The following FGF14 variants were observed in gnomAD, a reference collection of about 807,000 sequenced individuals.
FGF14 encodes fibroblast growth factor 14, also known as fibroblast growth factor homologous factor 4.
A neutral mutation model predicts 25.5 loss-of-function variants in FGF14; 5 were observed. That is an observed-to-expected ratio of 0.20 (90% CI 0.10 to 0.41). FGF14 has a LOEUF of 0.41. FGF14 is among the 10% of genes least tolerant of loss of function. The pLI is 1.00. For missense variants in FGF14, 222 were observed against 320.1 expected (o/e 0.69, Z 2.34); for synonymous variants, 138 against 118.3 (o/e 1.17, Z -1.08).
chr13:102,020,484 G>C (rs2040580325), intron 1 of FGF14, among the ~76,000 whole-genome samples: 1 of 152,022 alleles, frequency 6.6e-6, no homozygotes, highest in Non-Finnish European at 1.5e-5. Flanking sequence ...GGAGGCAGAA[G>C]TTTCAGTGAG....
intron 3 of FGF14, among the ~76,000 whole-genome samples, chr13:101,856,370 T>C (rs1054972674): frequency 8.6e-5 from 13 of 151,920 alleles, no homozygotes; most frequent in African/African-American, 2.7e-4. Flanking sequence ...GGTAGAGTTA[T>C]TCGACTGGCA....
At chr13:101,955,983 TTTTCA>T (rs1241545356) in intron 1 of FGF14, among the ~76,000 whole-genome samples, 40 of 152,338 alleles carry the variant, frequency 2.6e-4, no homozygotes, top group African/African-American at 9.1e-4. Flanking sequence ...TCACTTTCAC[TTTTCA>T]TTTAAGTATT....
chr13:101,794,902 T>A (rs1362974738), intron 3 of FGF14, among the ~76,000 whole-genome samples: 12 of 152,114 alleles, frequency 7.9e-5, no homozygotes, highest in Admixed American at 7.2e-4. Flanking sequence ...TATGAAAAAA[T>A]TATTGAAAAA....
At chr13:101,870,128 T>C (rs2044970904) in intron 2 of FGF14, among the ~76,000 whole-genome samples, 1 of 152,136 alleles carries the variant, frequency 6.6e-6, no homozygotes, top group South Asian at 2.1e-4. Context: ...GCTATAGGAT[T>C]TTAGGGGATT....
intron 1 of FGF14, among the ~76,000 whole-genome samples, chr13:102,241,185 T>A (rs561927825): frequency 3.3e-5 from 5 of 152,250 alleles, no homozygotes; most frequent in African/African-American, 7.2e-5. Context: ...AGGGGCACTC[T>A]TGTAGATTCT....
At chr13:102,014,413 C>A (rs1166273881) in intron 1 of FGF14, among the ~76,000 whole-genome samples, 1 of 151,854 alleles carries the variant, frequency 6.6e-6, no homozygotes, top group East Asian at 1.9e-4. Context: ...TAATAGTGCA[C>A]GGAAAAAGCT....
intron 3 of FGF14, among the ~76,000 whole-genome samples, chr13:101,799,665 G>T (rs529009406): frequency 1.3e-5 from 2 of 152,168 alleles, no homozygotes; most frequent in Non-Finnish European, 2.9e-5. Context: ...ATTGAAGATC[G>T]TTGATTCTGC....
intron 1 of FGF14, among the ~76,000 whole-genome samples, chr13:102,156,174 C>T (rs1234776547): frequency 2.6e-5 from 4 of 152,132 alleles, no homozygotes; most frequent in African/African-American, 7.2e-5. Context: ...CCAGCATCAT[C>T]CTGATACCAA....
intron 1 of FGF14, 35 bp downstream of exon 1, chr13:101,916,416 ACC>A (rs781031514): frequency 3.0e-4 from 479 of 1,610,794 alleles, no homozygotes; most frequent in Non-Finnish European, 3.8e-4. Context: ...GGAGGGGGCG[ACC>A]CGGGGCGCAT....
At chr13:101,789,089 G>A (rs1174297445) in intron 3 of FGF14, among the ~76,000 whole-genome samples, 1 of 151,498 alleles carries the variant, frequency 6.6e-6, no homozygotes, top group Non-Finnish European at 1.5e-5. Context: ...ATTAGCCAGG[G>A]TGACTCACAG....
At chr13:102,284,839 A>G (rs2054015353) in intron 1 of FGF14, among the ~76,000 whole-genome samples, 1 of 152,058 alleles carries the variant, frequency 6.6e-6, no homozygotes, top group Non-Finnish European at 1.5e-5. Flanking sequence ...TAATATAATC[A>G]TTGGTTCTTA....
chr13:101,868,590 G>A (rs1487704247), intron 3 of FGF14, 135 bp downstream of exon 3: 1 of 725,438 alleles, frequency 1.4e-6, no homozygotes, highest in Admixed American at 1.9e-5. Context: ...CAGCTTCTAA[G>A]CATTCTCGCA....
intron 1 of FGF14, among the ~76,000 whole-genome samples, chr13:102,363,751 T>G (rs2139053596): frequency 6.6e-6 from 1 of 152,372 alleles, no homozygotes; most frequent in East Asian, 1.9e-4. Context: ...ATTTGTCCTG[T>G]TGCCACTCTG....
intron 1 of FGF14, among the ~76,000 whole-genome samples, chr13:102,155,569 T>C (rs1242937270): frequency 2.0e-5 from 3 of 152,032 alleles, no homozygotes; most frequent in Non-Finnish European, 2.9e-5. Flanking sequence ...AGGAAAGATC[T>C]AAAATTGACA....
chr13:102,044,346 G>A (rs1365513737), intron 1 of FGF14, among the ~76,000 whole-genome samples: 2 of 149,760 alleles, frequency 1.3e-5, no homozygotes, highest in Non-Finnish European at 2.9e-5. Flanking sequence ...AACTGCAAAA[G>A]ATGATTGCAA....
intron 3 of FGF14, among the ~76,000 whole-genome samples, chr13:101,795,338 T>C (rs946401416): frequency 5.3e-5 from 8 of 152,128 alleles, no homozygotes; most frequent in Non-Finnish European, 8.8e-5. Context: ...TAGGACTGCA[T>C]ATAAGAAGTA....
chr13:102,077,053 T>C (rs936190404), intron 1 of FGF14, among the ~76,000 whole-genome samples: 4 of 152,212 alleles, frequency 2.6e-5, no homozygotes, highest in Admixed American at 2.6e-4. Flanking sequence ...TCATACATAG[T>C]GTTGGAACAA....
At chr13:102,356,155 G>A (rs1029502124) in intron 1 of FGF14, among the ~76,000 whole-genome samples, 1 of 152,142 alleles carries the variant, frequency 6.6e-6, no homozygotes, top group African/African-American at 2.4e-5. Flanking sequence ...TTTTAACAAA[G>A]GTCAAAGAAA....
rs1371709543 is a variant in FGF14 at position 101,721,842 on chromosome 13, A to G, written c.*989T>C. 6.8e-6 allele frequency: 1 copy of G among 147,398 alleles called. No homozygotes were observed. The allele number at this position is 147,398 out of a possible 1,614,324, so 9.1% of individuals were successfully genotyped here. A position where few individuals can be genotyped will look rare whatever the true frequency, so the allele number is the denominator to read the frequency against. On this transcript the variant is annotated 3_prime_UTR_variant, in exon 5 of 5. Transcript: ENST00000376143. ...TTAGGTAGCGCAATTCTTGTAGGTT[A>G]TAATTACTGATTTTCCTTTTTTTTT...
Sources: allele counts gnomAD v4.1 joint callset (sites outside exome capture counted in the v4.1 genomes callset), GRCh38; gene constraint gnomAD v4.1.1; transcripts MANE v1.5; gene names NCBI Gene and HGNC (gene_info 2026-07-23, HGNC 2026-07-21).